ANKRD40: variants seen among roughly 807,000 people sequenced by gnomAD.
ANKRD40 encodes the protein ankyrin repeat domain 40.
Under a neutral mutation model 35.5 loss-of-function variants are expected in ANKRD40, and 24 were observed. The ratio of observed to expected loss-of-function variants is 0.68; its 90% confidence interval spans 0.49 to 0.95. The LOEUF (loss-of-function observed/expected upper bound fraction) is 0.95. Among genes scored for constraint, ANKRD40 ranks in the 40% least tolerant of loss-of-function variants. The probability of loss-of-function intolerance (pLI) is 0.00; values close to 1 mark genes in which losing one functional copy is unlikely to be tolerated. For missense variants in ANKRD40, 361 were observed against 436.0 expected, an observed-to-expected ratio of 0.83 and a Z score of 1.53; for synonymous variants, 147 against 173.5, an observed-to-expected ratio of 0.85 and a Z score of 1.20.
At chr17:50,699,259 A>G in intron 3 of ANKRD40, 140 bp downstream of exon 3, 1 of 1,172,478 alleles carries the variant, frequency 8.5e-7, no homozygotes, top group Non-Finnish European at 1.2e-6. Flanking sequence ...CAATTTGTGA[A>G]TTTGAGTAAA....
rs1472108950 is a variant in ANKRD40, at chr17:50,699,802, G to A, written c.375C>T (p.Ala125=). 20 of 1,580,438 alleles carry A rather than the reference G, an allele frequency of 1.3e-5. No individual in the cohort carries two copies. In the Admixed American group the frequency reaches 3.6e-4, roughly 28 times the overall value. Residue 125 remains alanine, a synonymous_variant, in exon 3 of 5, where the codon GCC becomes GCT. Coordinates refer to ENST00000285243, the MANE Select transcript of ANKRD40 (RefSeq NM_052855.4). The part of the protein sequence containing the change: ...SELPFVPNYL[A]NPAFPFIYTP... ...TATAGATAAAAGGGAAGGCTGGGTT[G>A]GCCAAATAGTTGGGAACAAAGGGCA...
At chr17:50,702,028 A>C (rs1968278311) in intron 1 of ANKRD40, among the ~76,000 whole-genome samples, 2 of 152,188 alleles carry the variant, frequency 1.3e-5, no homozygotes. Flanking sequence ...GAAAAATAAG[A>C]GTCTCGTTAA....
At chr17:50,701,305 C>A (rs1230867655) in intron 1 of ANKRD40, among the ~76,000 whole-genome samples, 1 of 152,166 alleles carries the variant, frequency 6.6e-6, no homozygotes. Context: ...AAAAAGTTGG[C>A]TTCTCTAGTT....
chr17:50,693,228 G>C lies in ANKRD40; in HGVS notation c.*2769C>G, dbSNP rs1285742023. ...TTAATATTTAATTTTAATAATACTT[G>C]TTATGTTTGAACAGTCAGCAATGCA... is the stretch of plus-strand genomic sequence containing the variant. On this transcript the variant is annotated 3_prime_UTR_variant, in exon 5 of 5. Coordinates refer to ENST00000285243, the MANE Select transcript of ANKRD40 (RefSeq NM_052855.4). 6.6e-6 allele frequency: 1 copy of C among 152,090 alleles called. No individual in the cohort carries two copies. The highest frequency in any genetic ancestry group is 1.9e-4 in the East Asian group (1 of 5,194). 9.4% of individuals were successfully genotyped at this position (152,090 alleles called of 1,614,324 possible).
At chr17:50,702,952 T>C (rs1349028860) in intron 1 of ANKRD40, among the ~76,000 whole-genome samples, 4 of 152,232 alleles carry the variant, frequency 2.6e-5, no homozygotes, top group Admixed American at 2.6e-4. Context: ...ATCAATCTAA[T>C]TGATAGATTA....
chr17:50,704,105 T>A (rs1968301299), intron 1 of ANKRD40, among the ~76,000 whole-genome samples: 1 of 151,864 alleles, frequency 6.6e-6, no homozygotes, highest in Non-Finnish European at 1.5e-5. Context: ...TGAGCACTCC[T>A]GAGAGGCTGA....
chr17:50,694,809 A>G lies in ANKRD40; in HGVS notation c.*1188T>C, dbSNP rs1329295796. The G allele has an allele frequency of 6.6e-6, 1 of 152,232 alleles. No homozygotes were observed. Among genetic ancestry groups the G allele is most frequent in the Non-Finnish European group, 1.5e-5 (1 of 68,034 alleles). The allele number at this position is 152,232 out of a possible 1,614,324, so 9.4% of individuals were successfully genotyped here. A position where few individuals can be genotyped will look rare whatever the true frequency, so the allele number is the denominator to read the frequency against. Reference sequence around the variant, plus strand: ...AGTAGGGGGATCACTAAGATCAAACAATTTGTTTACAAAAGCAACAGATTT... The same window carrying G: ...AGTAGGGGGATCACTAAGATCAAACGATTTGTTTACAAAAGCAACAGATTT... On this transcript the variant is annotated 3_prime_UTR_variant, in exon 5 of 5. Transcript: ENST00000285243.
chr17:50,707,723 C>G lies in ANKRD40; in HGVS notation c.-69G>C. On this transcript the variant is annotated 5_prime_UTR_variant, in exon 1 of 5. Transcript: ENST00000285243. The surrounding 1 kb of genome is among the most constrained non-coding windows in gnomAD (Gnocchi z 4.8). ...CCCGCCCGGGGCCTGTCAGCGCCGCCGCCGTCGCCGCGGCCCGCTCCCGGC... is the reference window on the plus strand; with the variant it reads ...CCCGCCCGGGGCCTGTCAGCGCCGCGGCCGTCGCCGCGGCCCGCTCCCGGC... 1 of 1,138,880 alleles carries G rather than the reference C, an allele frequency of 8.8e-7. No homozygotes were observed. 70.5% of individuals were successfully genotyped at this position (1,138,880 alleles called of 1,614,324 possible). A position where few individuals can be genotyped will look rare whatever the true frequency, so the allele number is the denominator to read the frequency against.
chr17:50,696,178 G>T, intron 4 of ANKRD40, 35 bp from the exon 5 acceptor site: 1 of 1,601,668 alleles, frequency 6.2e-7, no homozygotes, highest in Non-Finnish European at 8.5e-7. Context: ...ATTAACAGGA[G>T]CCACTTGTCT....
chr17:50,706,121 C>T (rs1257481628), intron 1 of ANKRD40, among the ~76,000 whole-genome samples: 4 of 148,194 alleles, frequency 2.7e-5, no homozygotes, highest in Non-Finnish European at 4.4e-5. Context: ...AAAATGTAAA[C>T]TCACTTTTTT....
intron 3 of ANKRD40, among the ~76,000 whole-genome samples, chr17:50,697,565 T>C (rs1174597099): frequency 6.6e-6 from 1 of 152,214 alleles, no homozygotes; most frequent in Non-Finnish European, 1.5e-5. Context: ...TAAAGGTATC[T>C]GTAAAATATG....
At chr17:50,701,453 C>T (rs1968271314) in intron 1 of ANKRD40, among the ~76,000 whole-genome samples, 1 of 152,178 alleles carries the variant, frequency 6.6e-6, no homozygotes, top group Non-Finnish European at 1.5e-5. Context: ...ACATATCAGA[C>T]TCATTTAAGT....
At chr17:50,704,407 T>A (rs554418949) in intron 1 of ANKRD40, among the ~76,000 whole-genome samples, 1 of 150,848 alleles carries the variant, frequency 6.6e-6, no homozygotes, top group African/African-American at 2.4e-5. Flanking sequence ...TCCTAGTTAC[T>A]TGGGAGGATG....
rs1968158011 is a variant in ANKRD40 at position 50,693,707 on chromosome 17, T to C, written c.*2290A>G. On this transcript the variant is annotated 3_prime_UTR_variant, in exon 5 of 5. Transcript: ENST00000285243. Reference sequence around the variant, plus strand: ...GTTTTAACCCAAGTAACTTAAGACATGAATTAATAGTGAATTTATTTCCTC... The same window carrying C: ...GTTTTAACCCAAGTAACTTAAGACACGAATTAATAGTGAATTTATTTCCTC... 2 of 152,246 alleles carry C rather than the reference T, an allele frequency of 1.3e-5. No homozygotes were observed. Among genetic ancestry groups the C allele is most frequent in the African/African-American group, 2.4e-5 (1 of 41,456 alleles). 9.4% of individuals were successfully genotyped at this position (152,246 alleles called of 1,614,324 possible).
chr17:50,697,266 T>C lies in ANKRD40; in HGVS notation c.779-145A>G, dbSNP rs536775608. 185 of 804,746 alleles carry C rather than the reference T, an allele frequency of 2.3e-4. 1 individual carries two copies. In the African/African-American group the frequency reaches 2.8e-3, roughly 12 times the overall value. 49.9% of individuals were successfully genotyped at this position (804,746 alleles called of 1,614,324 possible). A position where few individuals can be genotyped will look rare whatever the true frequency, so the allele number is the denominator to read the frequency against. ...AGACCTGTTTGGTGGGAAAACCAAG[T>C]GCAGCCAGCAGGGTTTGCTCAGGCC... On this transcript the variant is annotated intron_variant, in intron 3 of 4. Coordinates refer to ENST00000285243, the MANE Select transcript of ANKRD40 (RefSeq NM_052855.4).
In ANKRD40 at chr17:50,694,367, G is replaced by A. The variant is rs1463595883; in HGVS notation, c.*1630C>T. ...GCAGCAGCAGGAGGCCATTATCTTA[G>A]CACAACATTCTCTTCTGTTGACATC... is the stretch of plus-strand genomic sequence containing the variant. On this transcript the variant is annotated 3_prime_UTR_variant, in exon 5 of 5. Transcript: ENST00000285243. 6.6e-6 allele frequency: 1 copy of A among 152,102 alleles called. No homozygotes were observed. The highest frequency in any genetic ancestry group is 1.9e-4 in the East Asian group (1 of 5,196). The allele number at this position is 152,102 out of a possible 1,614,324, so 9.4% of individuals were successfully genotyped here. A position where few individuals can be genotyped will look rare whatever the true frequency, so the allele number is the denominator to read the frequency against.
intron 1 of ANKRD40, among the ~76,000 whole-genome samples, chr17:50,702,656 G>A (rs938412641): frequency 3.3e-5 from 5 of 152,282 alleles, no homozygotes; most frequent in Admixed American, 2.6e-4. Context: ...TCACTTGTTC[G>A]TGGCAAGCTT....
Position 50,699,682 on chromosome 17 carries a change from G to C in ANKRD40, c.495C>G (p.Pro165=). The part of the protein sequence containing the change: ...PPADGSPPLL[P]PGEPPLLGTF... ...TCCCTAACAGGGGAGGTTCCCCAGG[G>C]GGAAGCAATGGAGGTGAGCCATCTG... Residue 165 remains proline, a synonymous_variant, in exon 3 of 5, where the codon CCC becomes CCG. Transcript: ENST00000285243. The C allele has an allele frequency of 6.2e-7, 1 of 1,614,222 alleles. No homozygotes were observed. The highest frequency in any genetic ancestry group is 8.5e-7 in the Non-Finnish European group (1 of 1,180,028).
In ANKRD40 at chr17:50,694,441, C is replaced by G. The variant is rs1324269750; in HGVS notation, c.*1556G>C. On this transcript the variant is annotated 3_prime_UTR_variant, in exon 5 of 5. Coordinates refer to ENST00000285243, the MANE Select transcript of ANKRD40 (RefSeq NM_052855.4). ...TAGTGTTCTAATAAAATTAAGTTAA[C>G]ACAGTTAGGAAGTTGAGTTTCTTTG... The G allele has an allele frequency of 6.6e-6, 1 of 152,202 alleles. No individual in the cohort carries two copies. The highest frequency in any genetic ancestry group is 1.9e-4 in the East Asian group (1 of 5,206). The allele number at this position is 152,202 out of a possible 1,614,324, so 9.4% of individuals were successfully genotyped here. A position where few individuals can be genotyped will look rare whatever the true frequency, so the allele number is the denominator to read the frequency against.
Sources: gnomAD v4.1 joint callset for allele counts (sites outside exome capture counted in the v4.1 genomes callset) on GRCh38, gnomAD v4.1.1 for gene constraint, Gnocchi (gnomAD v3.1) non-coding constraint, MANE v1.5 for transcripts, NCBI Gene and HGNC (gene_info 2026-07-23, HGNC 2026-07-21) for gene names.